MMP17: variants seen among roughly 807,000 people sequenced by gnomAD.
MMP17 encodes matrix metallopeptidase 17.
A neutral mutation model predicts 49.1 loss-of-function variants in MMP17; 54 were observed. The observed-to-expected ratio is 1.10, with a 90% CI of 0.88 to 1.38. MMP17 has a LOEUF of 1.38. MMP17 is among the 40% of genes most tolerant of loss of function. The pLI, the probability that MMP17 is intolerant of heterozygous loss-of-function variation, is 0.00. For synonymous variants in MMP17, 397 were observed against 383.1 expected (o/e 1.04, Z -0.42); for missense variants, 837 against 853.7 (o/e 0.98, Z 0.24).
chr12:131,838,251 G>A lies in MMP17; in HGVS notation c.216G>A (p.Leu72=). 6.2e-6 allele frequency: 10 copies of A among 1,613,184 alleles called. No individual in the cohort carries two copies. Among genetic ancestry groups the A allele is most frequent in the Non-Finnish European group, 6.8e-6 (8 of 1,179,976 alleles). Reference sequence around the variant, plus strand: ...CGGCTGACCCCACAACAGGGCAGCTGCAGACGCAAGAGGAGCTGTCTAAGG... The same window carrying A: ...CGGCTGACCCCACAACAGGGCAGCTACAGACGCAAGAGGAGCTGTCTAAGG... ...LPPADPTTGQ[L]QTQEELSKAI... The change falls in exon 2 of 10, where the codon CTG becomes CTA. Residue 72 remains leucine, a synonymous_variant. Coordinates refer to ENST00000360564, the MANE Select transcript of MMP17 (RefSeq NM_016155.7).
chr12:131,850,093 C>T (rs753775447), intron 9 of MMP17, 34 bp downstream of exon 9: 10 of 1,568,332 alleles, frequency 6.4e-6, no homozygotes, highest in Non-Finnish European at 8.6e-6. Flanking sequence ...GCCATGCGGC[C>T]TTGGTTTCCC....
chr12:131,845,360 A>G lies in MMP17; in HGVS notation c.1115A>G (p.His372Arg), dbSNP rs769327440. ...HLVSLQPAQM[H>R]RFWRGLPLHL... ...GTGTCCCTGCAGCCGGCACAGATGCACCGCTTCTGGCGGGGCCTGCCGCTG... is the reference window on the plus strand; with the variant it reads ...GTGTCCCTGCAGCCGGCACAGATGCGCCGCTTCTGGCGGGGCCTGCCGCTG... The change falls in exon 8 of 10, where the codon CAC (histidine) becomes CGC (arginine). Residue 372 changes from histidine (H) to arginine (R), a missense_variant. By Grantham distance (29) the His-to-Arg change is conservative. Transcript: ENST00000360564. 1.2e-5 allele frequency: 19 copies of G among 1,600,560 alleles called. No individual in the cohort carries two copies. The South Asian group carries it at 2.1e-4, about 18-fold the overall frequency.
chr12:131,832,543 A>C (rs1886878889), intron 1 of MMP17, among the ~76,000 whole-genome samples: 1 of 152,010 alleles, frequency 6.6e-6, no homozygotes, highest in Non-Finnish European at 1.5e-5. Context: ...CTGTGGACGC[A>C]GGGCAGGTGT....
At chr12:131,841,825 A>T in intron 5 of MMP17, 25 bp downstream of exon 5, 1 of 1,543,102 alleles carries the variant, frequency 6.5e-7, no homozygotes, top group Non-Finnish European at 8.7e-7. Context: ...GAAGCCAGAC[A>T]CAGGGCCCCT....
At chr12:131,850,842 C>A (rs1887934614) in intron 9 of MMP17, 83 bp from the exon 10 acceptor site, 1 of 1,120,686 alleles carries the variant, frequency 8.9e-7, no homozygotes, top group Non-Finnish European at 1.2e-6. Context: ...CCTCCCTGAG[C>A]CCAACGCTCC....
intron 8 of MMP17, among the ~76,000 whole-genome samples, chr12:131,847,938 G>A (rs1305515138): frequency 1.3e-5 from 2 of 152,146 alleles, no homozygotes; most frequent in Non-Finnish European, 2.9e-5. Context: ...ATCTGTCCTG[G>A]TTCCTGCTCA....
At chr12:131,834,707 C>A (rs991261444) in intron 1 of MMP17, among the ~76,000 whole-genome samples, 1 of 152,008 alleles carries the variant, frequency 6.6e-6, no homozygotes, top group Non-Finnish European at 1.5e-5. Flanking sequence ...GGGGGTTTGC[C>A]CCAGGACTGT....
At chr12:131,843,929 G>A in intron 5 of MMP17, 68 bp from the exon 6 acceptor site, 1 of 1,181,512 alleles carries the variant, frequency 8.5e-7, no homozygotes, top group Non-Finnish European at 1.2e-6. Context: ...GATTCAGAAG[G>A]GCTGGTGGGA....
At position 131,840,782 on chromosome 12, in the gene MMP17, T is replaced by C; in HGVS notation, c.632T>C (p.Phe211Ser). 6.2e-7 allele frequency: 1 copy of C among 1,605,654 alleles called. No homozygotes were observed. Among genetic ancestry groups the C allele is most frequent in the Non-Finnish European group, 8.5e-7 (1 of 1,179,770 alleles). ...DGPGGTVAHA[F>S]FPGHHHTAGD... ...CCCGGCGGCACCGTGGCCCACGCCT[T>C]CTTCCCCGGCCACCACCACACCGCC... The change falls in exon 4 of 10, where the codon TTC becomes TCC. Residue 211 changes from phenylalanine to serine, a missense_variant. Coordinates refer to ENST00000360564, the MANE Select transcript of MMP17 (RefSeq NM_016155.7).
chr12:131,838,817 CGTGG>C (rs1887229084), intron 3 of MMP17, 76 bp downstream of exon 3: 1 of 1,487,846 alleles, frequency 6.7e-7, no homozygotes, highest in African/African-American at 1.4e-5. Context: ...ACGGGGTCTC[CGTGG>C]AGGTGGGCGC....
chr12:131,833,089 C>T (rs1332496604), intron 1 of MMP17, among the ~76,000 whole-genome samples: 1 of 152,250 alleles, frequency 6.6e-6, no homozygotes, highest in Non-Finnish European at 1.5e-5. Flanking sequence ...CTCCCTGTGC[C>T]TCCGTGTTCT....
At chr12:131,839,162 G>A (rs1473412169) in intron 3 of MMP17, among the ~76,000 whole-genome samples, 5 of 152,144 alleles carry the variant, frequency 3.3e-5, no homozygotes, top group African/African-American at 1.2e-4. Flanking sequence ...GTTGCTGGCA[G>A]CCCTCGATGG....
chr12:131,829,954 CT>C (rs1343110458), intron 1 of MMP17, among the ~76,000 whole-genome samples: 10 of 152,374 alleles, frequency 6.6e-5, no homozygotes, highest in African/African-American at 2.2e-4. Context: ...GGGTGCCCCC[CT>C]CCACCTCCTC....
intron 8 of MMP17, among the ~76,000 whole-genome samples, chr12:131,849,563 G>C (rs1362728732): frequency 6.6e-6 from 1 of 152,214 alleles, no homozygotes; most frequent in Admixed American, 6.5e-5. Flanking sequence ...CATCGGTAAA[G>C]GGGTGGCCGG....
chr12:131,837,274 C>A (rs1163760096), intron 1 of MMP17, among the ~76,000 whole-genome samples: 1 of 152,174 alleles, frequency 6.6e-6, no homozygotes, highest in Non-Finnish European at 1.5e-5. Flanking sequence ...GGGATTTGAA[C>A]CTAGGCAGCC....
chr12:131,844,007 G>C lies in MMP17; in HGVS notation c.894G>C (p.Glu298Asp). ...VRVWQLYGVR[E>D]SVSPTAQPEE... ...CCTTGTCTCCCGCAGGTGTGCGGGA[G>C]TCTGTGTCTCCCACGGCGCAGCCCG... is the stretch of plus-strand genomic sequence containing the variant. Residue 298 changes from glutamate to aspartate, a missense_variant, in exon 6 of 10, where the codon GAG becomes GAC. Coordinates refer to ENST00000360564, the MANE Select transcript of MMP17 (RefSeq NM_016155.7). The C allele has an allele frequency of 6.4e-7, 1 of 1,562,136 alleles. No individual in the cohort carries two copies. The highest frequency in any genetic ancestry group is 8.7e-7 in the Non-Finnish European group (1 of 1,155,142).
At chr12:131,834,566 C>T (rs1411863506) in intron 1 of MMP17, among the ~76,000 whole-genome samples, 4 of 152,050 alleles carry the variant, frequency 2.6e-5, no homozygotes, top group Non-Finnish European at 4.4e-5. Context: ...TGGGCCCCCA[C>T]CCCAGCGGCC....
Position 131,838,622 on chromosome 12 carries a change from C to T in MMP17, c.303C>T (p.Thr101=). ...ATGCTTTCCCTGCAGACGAGGCCACCCTGGCCCTGATGAAAACCCCACGCT... is the reference window on the plus strand; with the variant it reads ...ATGCTTTCCCTGCAGACGAGGCCACTCTGGCCCTGATGAAAACCCCACGCT... ...LEATGILDEA[T]LALMKTPRCS... The change falls in exon 3 of 10, where the codon ACC becomes ACT. Residue 101 remains threonine (T), a synonymous_variant. Coordinates refer to ENST00000360564, the MANE Select transcript of MMP17 (RefSeq NM_016155.7). 2 of 1,610,872 alleles carry T rather than the reference C, an allele frequency of 1.2e-6. No homozygotes were observed. Among genetic ancestry groups the T allele is most frequent in the African/African-American group, 1.3e-5 (1 of 74,950 alleles).
intron 3 of MMP17, 136 bp from the exon 4 acceptor site, chr12:131,840,437 C>T (rs571083306): frequency 1.7e-5 from 15 of 890,936 alleles, no homozygotes; most frequent in East Asian, 2.5e-5. Flanking sequence ...TGACTCCTGG[C>T]GTGGGGAGGA....
Sources: gnomAD v4.1 joint callset for allele counts (sites outside exome capture counted in the v4.1 genomes callset) on GRCh38, gnomAD v4.1.1 for gene constraint, MANE v1.5 for transcripts, NCBI Gene and HGNC (gene_info 2026-07-23, HGNC 2026-07-21) for gene names.